The following LARP4B variants were observed in gnomAD, a reference collection of about 807,000 sequenced individuals.
The protein encoded by LARP4B is La ribonucleoprotein 4B.
A neutral mutation model predicts 89.8 loss-of-function variants in LARP4B; 12 were observed. That is an observed-to-expected ratio of 0.13 (90% CI 0.09 to 0.22). LARP4B has a LOEUF of 0.22. LARP4B is among the 10% of genes least tolerant of loss of function. The pLI, the probability that LARP4B is intolerant of heterozygous loss-of-function variation, is 1.00. For synonymous variants in LARP4B, 367 were observed against 363.3 expected, an observed-to-expected ratio of 1.01 and a Z score of -0.12; for missense variants, 757 against 947.7, an observed-to-expected ratio of 0.80 and a Z score of 2.64.
chr10:883,921 T>C (rs1040424834), intron 3 of LARP4B, among the ~76,000 whole-genome samples: 2 of 152,236 alleles, frequency 1.3e-5, no homozygotes, highest in African/African-American at 4.8e-5. Context: ...ATTTATAAGA[T>C]CCTTTGATCA....
chr10:982,909 A>T, the LARP4B span, among the ~76,000 whole-genome samples: 1 of 152,224 alleles, frequency 6.6e-6, no homozygotes, highest in South Asian at 2.1e-4. Context: ...ATGTTTTCTT[A>T]AGAGTTTGGA....
chr10:929,426 C>T (rs1837240167), intron 1 of LARP4B, among the ~76,000 whole-genome samples: 1 of 152,122 alleles, frequency 6.6e-6, no homozygotes, highest in African/African-American at 2.4e-5. Flanking sequence ...GAAACCCCGT[C>T]TCTACTAAAA....
chr10:896,945 C>T (rs1016493790), intron 1 of LARP4B, among the ~76,000 whole-genome samples: 1 of 150,540 alleles, frequency 6.6e-6, no homozygotes, highest in East Asian at 2.0e-4. Context: ...AATTAAGCTA[C>T]AGATTCAATA....
intron 7 of LARP4B, among the ~76,000 whole-genome samples, chr10:837,212 A>G (rs1159729573): frequency 6.6e-6 from 1 of 152,252 alleles, no homozygotes; most frequent in Non-Finnish European, 1.5e-5. Context: ...AGCTCACCCT[A>G]CAAGAAAGGT....
chr10:936,431 C>T (rs996818536), upstream of LARP4B, among the ~76,000 whole-genome samples: 4 of 152,108 alleles, frequency 2.6e-5, no homozygotes, highest in East Asian at 3.9e-4. Flanking sequence ...CGATTTACTA[C>T]GAGGCAGGCC....
At chr10:841,851 C>T (rs566607500) in intron 7 of LARP4B, among the ~76,000 whole-genome samples, 2 of 152,200 alleles carry the variant, frequency 1.3e-5, no homozygotes, top group African/African-American at 4.8e-5. Flanking sequence ...ATAACCCATG[C>T]TATTTGTCTA....
the LARP4B span, among the ~76,000 whole-genome samples, chr10:963,885 C>T: frequency 1.2e-4 from 18 of 152,292 alleles, no homozygotes; most frequent in African/African-American, 3.9e-4. Context: ...TCAAACAACC[C>T]CCATATGGCC....
At chr10:845,331 T>C (rs942932176) in intron 5 of LARP4B, among the ~76,000 whole-genome samples, 1 of 152,218 alleles carries the variant, frequency 6.6e-6, no homozygotes, top group African/African-American at 2.4e-5. Context: ...AAATGACAAG[T>C]GTAAGCTTAG....
chr10:885,481 A>G (rs572780154), intron 2 of LARP4B, among the ~76,000 whole-genome samples, 160 bp downstream of exon 2: 119 of 152,290 alleles, frequency 7.8e-4, no homozygotes, highest in African/African-American at 2.6e-3. Context: ...TGATCCTCAG[A>G]TGGGTAAGAA....
chr10:930,892 C>T (rs1324843293), intron 1 of LARP4B, among the ~76,000 whole-genome samples: 1 of 151,550 alleles, frequency 6.6e-6, no homozygotes, highest in African/African-American at 2.4e-5. Context: ...GACCGAGGAG[C>T]GAGTGGCAAG....
chr10:858,034 C>A (rs536288946), intron 5 of LARP4B, among the ~76,000 whole-genome samples: 1 of 152,118 alleles, frequency 6.6e-6, no homozygotes, highest in Non-Finnish European at 1.5e-5. Flanking sequence ...CTTAAAAATT[C>A]TCTTTAAAAT....
chr10:859,885 G>A (rs1272395433), intron 5 of LARP4B, among the ~76,000 whole-genome samples: 1 of 150,952 alleles, frequency 6.6e-6, no homozygotes, highest in Non-Finnish European at 1.5e-5. Context: ...AGGGAGGGGT[G>A]AGTAGGCAGA....
chr10:906,082 G>A (rs953116885), intron 1 of LARP4B, among the ~76,000 whole-genome samples: 10 of 152,276 alleles, frequency 6.6e-5, no homozygotes, highest in Middle Eastern at 6.8e-3. Flanking sequence ...TCATTCACAC[G>A]GGCCTTTTTC....
chr10:863,727 C>T lies in LARP4B; in HGVS notation c.430+16G>A, dbSNP rs1467775644. 1 of 1,586,126 alleles carries T rather than the reference C, an allele frequency of 6.3e-7. No individual in the cohort carries two copies. Among genetic ancestry groups the T allele is most frequent in the Non-Finnish European group, 8.6e-7 (1 of 1,167,818 alleles). ...CCCATATTCCCTGGGAAAATGCACCCATAAGATATGTTTACCTGTCTCGCT... is the reference window on the plus strand; with the variant it reads ...CCCATATTCCCTGGGAAAATGCACCTATAAGATATGTTTACCTGTCTCGCT... On this transcript the variant is annotated intron_variant, in intron 5 of 17. Coordinates refer to ENST00000316157, the MANE Select transcript of LARP4B (RefSeq NM_015155.3).
intron 13 of LARP4B, 45 bp from the exon 14 acceptor site, chr10:820,890 G>A (rs753810444): frequency 2.5e-6 from 4 of 1,575,646 alleles, no homozygotes; most frequent in Admixed American, 1.7e-5. Flanking sequence ...TTCCCACTTG[G>A]AGAATTTATT....
At chr10:907,936 T>C (rs1238733797) in intron 1 of LARP4B, among the ~76,000 whole-genome samples, 1 of 152,222 alleles carries the variant, frequency 6.6e-6, no homozygotes, top group African/African-American at 2.4e-5. Flanking sequence ...CTGGGTGCGG[T>C]GGCTCACGCC....
At chr10:869,657 C>A (rs1333243709) in intron 3 of LARP4B, among the ~76,000 whole-genome samples, 1 of 152,004 alleles carries the variant, frequency 6.6e-6, no homozygotes. Flanking sequence ...GAGGCTGAGG[C>A]GGGTGGATCT....
intron 9 of LARP4B, 57 bp from the exon 10 acceptor site, chr10:829,791 C>T (rs2131660690): frequency 2.5e-6 from 3 of 1,203,572 alleles, no homozygotes; most frequent in African/African-American, 1.5e-5. Context: ...ATAAGAGGCA[C>T]CAATAGTTCA....
Position 862,391 on chromosome 10 carries a change from G to A in LARP4B, c.430+1352C>T, listed in dbSNP as rs554767971. Among the ~76,000 whole-genome samples the A allele has an allele frequency of 1.4e-4, 21 of 152,070 alleles. No individual in the cohort carries two copies. The East Asian group carries it at 4.0e-3, about 29-fold the overall frequency. On this transcript the variant is annotated intron_variant, in intron 5 of 17. Coordinates refer to ENST00000316157, the MANE Select transcript of LARP4B (RefSeq NM_015155.3). ...CATGGCTGTGCCTTACAGCATCGAG[G>A]TCTGGCCTCTCCAGCCCTGCCCAGT...
Sources: allele counts gnomAD v4.1 joint callset (sites outside exome capture counted in the v4.1 genomes callset), GRCh38; gene constraint gnomAD v4.1.1; transcripts MANE v1.5; gene names NCBI Gene and HGNC (gene_info 2026-07-23, HGNC 2026-07-21).